FGF12: variants seen among roughly 807,000 people sequenced by gnomAD.
FGF12 encodes fibroblast growth factor 12, also known as fibroblast growth factor 12B.
Under a neutral mutation model 23.6 loss-of-function variants are expected in FGF12, and 14 were observed. That is an observed-to-expected ratio of 0.59 (90% CI 0.39 to 0.93). The LOEUF (loss-of-function observed/expected upper bound fraction) is 0.93. Ranked by LOEUF, FGF12 falls within the 40% of genes least tolerant of loss-of-function variation. The pLI, the probability that FGF12 is intolerant of heterozygous loss-of-function variation, is 0.00. For synonymous variants in FGF12, 62 were observed against 77.3 expected (o/e 0.80, Z 1.04); for missense variants, 175 against 217.8 (o/e 0.80, Z 1.24).
chr3:192,572,617 C>T (rs1712691973), intron 2 of FGF12, among the ~76,000 whole-genome samples: 1 of 152,198 alleles, frequency 6.6e-6, no homozygotes, highest in South Asian at 2.1e-4. Context: ...TAAATATGCA[C>T]AGTTTTATGC....
At chr3:192,158,045 G>T (rs1714526302) in intron 5 of FGF12, among the ~76,000 whole-genome samples, 2 of 152,164 alleles carry the variant, frequency 1.3e-5, no homozygotes, top group African/African-American at 2.4e-5. Flanking sequence ...TGGTGCCCCT[G>T]CTCTAAGCTG....
chr3:192,708,420 A>G (rs1163092949), intron 2 of FGF12, among the ~76,000 whole-genome samples: 2 of 152,224 alleles, frequency 1.3e-5, no homozygotes, highest in Non-Finnish European at 2.9e-5. Context: ...TGCTATAAAA[A>G]TTAAATAAAC....
In FGF12 at chr3:192,415,733, C is replaced by T. The variant is rs985923768; in HGVS notation, c.14-55195G>A. ...TGATACTTCTCTTCTCTCTCTCTCT[C>T]ACACACACACACACACACACACACA... On this transcript the variant is annotated intron_variant, in intron 2 of 5. Coordinates refer to ENST00000445105, the MANE Select transcript of FGF12 (RefSeq NM_004113.6). Among the ~76,000 whole-genome samples, 383 of 100,048 alleles carry T rather than the reference C, an allele frequency of 3.8e-3. 4 individuals carry two copies. The highest frequency in any genetic ancestry group is 0.015 in the African/African-American group (370 of 24,448). 65.6% of individuals were successfully genotyped at this position (100,048 alleles called of 152,430 possible).
chr3:192,163,074 T>G (rs772554792), intron 5 of FGF12, among the ~76,000 whole-genome samples: 1 of 152,184 alleles, frequency 6.6e-6, no homozygotes. Flanking sequence ...AGACTTTATC[T>G]TCAGAGATGA....
chr3:192,619,148 T>C (rs1337965112), intron 2 of FGF12, among the ~76,000 whole-genome samples: 1 of 152,020 alleles, frequency 6.6e-6, no homozygotes, highest in Non-Finnish European at 1.5e-5. Context: ...GGTTAGCATG[T>C]TATTAGATTT....
chr3:192,726,385 G>C (rs1719215601), intron 2 of FGF12, among the ~76,000 whole-genome samples: 2 of 152,278 alleles, frequency 1.3e-5, no homozygotes, highest in South Asian at 4.1e-4. Context: ...AGGAGAAGGA[G>C]AAACAGACCT....
intron 2 of FGF12, among the ~76,000 whole-genome samples, chr3:192,640,651 G>A (rs1481857231): frequency 6.6e-6 from 1 of 152,156 alleles, no homozygotes; most frequent in African/African-American, 2.4e-5. Context: ...AAAAACTTGA[G>A]TAAATAAATA....
chr3:192,363,623 T>C (rs1238113676), intron 2 of FGF12, among the ~76,000 whole-genome samples: 1 of 152,188 alleles, frequency 6.6e-6, no homozygotes, highest in Non-Finnish European at 1.5e-5. Context: ...GAAAGCTGTG[T>C]AGCCTGAGTG....
intron 2 of FGF12, among the ~76,000 whole-genome samples, chr3:192,552,701 G>A (rs1427724056): frequency 6.6e-6 from 1 of 152,124 alleles, no homozygotes; most frequent in Non-Finnish European, 1.5e-5. Context: ...GACCAGCCTG[G>A]CCAACATGGT....
chr3:192,545,396 C>T (rs186479610), intron 2 of FGF12, among the ~76,000 whole-genome samples: 1 of 152,332 alleles, frequency 6.6e-6, no homozygotes, highest in African/African-American at 2.4e-5. Context: ...CAGTCTTCAG[C>T]TGTGAATAGT....
intron 2 of FGF12, among the ~76,000 whole-genome samples, chr3:192,726,234 C>T (rs1719209826): frequency 1.3e-5 from 2 of 152,246 alleles, no homozygotes; most frequent in Admixed American, 1.3e-4. Context: ...TATAGCTTCC[C>T]GAGTTCTGGG....
chr3:192,144,592 T>TA (rs1038094661), intron 5 of FGF12, among the ~76,000 whole-genome samples: 6 of 152,056 alleles, frequency 3.9e-5, no homozygotes, highest in African/African-American at 1.2e-4. Flanking sequence ...GCATCCTATG[T>TA]AAAAAAATAA....
At chr3:192,272,187 A>T (rs1713490090) in intron 4 of FGF12, among the ~76,000 whole-genome samples, 1 of 152,082 alleles carries the variant, frequency 6.6e-6, no homozygotes, top group African/African-American at 2.4e-5. Flanking sequence ...ACAAATCCAA[A>T]TTTTTTTAAA....
At chr3:192,724,248 T>G (rs1361567879) in intron 2 of FGF12, among the ~76,000 whole-genome samples, 1 of 152,022 alleles carries the variant, frequency 6.6e-6, no homozygotes, top group African/African-American at 2.4e-5. Flanking sequence ...AGACCTGGAG[T>G]AAATATGGAG....
intron 4 of FGF12, among the ~76,000 whole-genome samples, chr3:192,223,630 C>T (rs1245775443): frequency 7.2e-5 from 11 of 152,072 alleles, no homozygotes; most frequent in Admixed American, 6.6e-4. Flanking sequence ...TCTCATTTCA[C>T]TTGAAAATTA....
At chr3:192,301,348 G>A (rs967809239) in intron 4 of FGF12, among the ~76,000 whole-genome samples, 3 of 152,160 alleles carry the variant, frequency 2.0e-5, no homozygotes, top group Admixed American at 6.5e-5. Flanking sequence ...TAGTCACTTG[G>A]GAGAAATAGC....
chr3:192,174,742 T>TAA lies in FGF12; in HGVS notation c.229-4088_229-4087dup, dbSNP rs796236664. 3.0e-5 allele frequency among the ~76,000 whole-genome samples: 4 copies of TAA among 132,744 alleles called. No homozygotes were observed. The East Asian group carries it at 6.4e-4, about 21-fold the overall frequency. The allele number at this position is 132,744 out of a possible 152,430, so 87.1% of individuals were successfully genotyped here. On this transcript the variant is annotated intron_variant, in intron 4 of 5. Coordinates refer to ENST00000445105, the MANE Select transcript of FGF12 (RefSeq NM_004113.6). Reference sequence around the variant, plus strand: ...AGAAATCAGAGCCCTACACGTGGAGTAAAAAAAAAAAAAAAATCAGGGTTT... The same window carrying TAA: ...AGAAATCAGAGCCCTACACGTGGAGTAAAAAAAAAAAAAAAAAATCAGGGTTT...
chr3:192,532,907 G>A (rs1725127929), intron 2 of FGF12, among the ~76,000 whole-genome samples: 1 of 152,092 alleles, frequency 6.6e-6, no homozygotes. Flanking sequence ...TATGTGGCAT[G>A]ACACTTAGCA....
chr3:192,305,679 A>AAAAAATATATATATAT (rs1423738741), intron 4 of FGF12, among the ~76,000 whole-genome samples: 3 of 131,934 alleles, frequency 2.3e-5, no homozygotes, highest in South Asian at 2.6e-4. Flanking sequence ...AAAAAAAAAA[A>AAAAAATATATATATAT]ATATATATAT....
Sources: allele counts gnomAD v4.1 joint callset (sites outside exome capture counted in the v4.1 genomes callset), GRCh38; gene constraint gnomAD v4.1.1; transcripts MANE v1.5; gene names NCBI Gene and HGNC (gene_info 2026-07-23, HGNC 2026-07-21).